Variants in SH3GL2 observed in about 807,000 individuals in gnomAD.
The protein encoded by SH3GL2 is SH3 domain containing GRB2 like 2, endophilin A1, also known as endophilin-A1.
Under a neutral mutation model 46.0 loss-of-function variants are expected in SH3GL2, and 24 were observed. The ratio of observed to expected loss-of-function variants is 0.52; its 90% confidence interval spans 0.38 to 0.73. The LOEUF (loss-of-function observed/expected upper bound fraction) is 0.73, where lower values mean the gene tolerates loss of function less well. Ranked by LOEUF, SH3GL2 falls within the 30% of genes least tolerant of loss-of-function variation. The pLI is 0.00. For missense variants in SH3GL2, 413 were observed against 424.2 expected (o/e 0.97, Z 0.23); for synonymous variants, 196 against 147.1 (o/e 1.33, Z -2.40).
At chr9:17,583,561 A>G (rs978306258) in intron 1 of SH3GL2, among the ~76,000 whole-genome samples, 2 of 152,232 alleles carry the variant, frequency 1.3e-5, no homozygotes, top group African/African-American at 2.4e-5. Context: ...AATAAATTCT[A>G]TTATTTATAA....
intron 1 of SH3GL2, among the ~76,000 whole-genome samples, chr9:17,713,624 G>C (rs980730330): frequency 6.6e-6 from 1 of 151,124 alleles, no homozygotes; most frequent in Non-Finnish European, 1.5e-5. Flanking sequence ...ATTTTCTTTT[G>C]ATTTCTTTAT....
intron 1 of SH3GL2, among the ~76,000 whole-genome samples, chr9:17,596,184 A>T (rs951435838): frequency 2.6e-5 from 4 of 152,144 alleles, no homozygotes; most frequent in African/African-American, 4.8e-5. Flanking sequence ...AACTATTGGA[A>T]CACCTGCCCT....
intron 1 of SH3GL2, among the ~76,000 whole-genome samples, chr9:17,690,450 T>C (rs532469612): frequency 6.6e-6 from 1 of 152,196 alleles, no homozygotes; most frequent in African/African-American, 2.4e-5. Flanking sequence ...CCACATCACA[T>C]GTCCTCTTTA....
intron 8 of SH3GL2, among the ~76,000 whole-genome samples, chr9:17,794,650 C>A (rs987517170): frequency 1.3e-5 from 2 of 152,122 alleles, no homozygotes; most frequent in African/African-American, 4.8e-5. Context: ...GAACTGTGTG[C>A]ACTTGTCTGA....
intron 1 of SH3GL2, among the ~76,000 whole-genome samples, chr9:17,692,551 A>G (rs1432059470): frequency 6.6e-6 from 1 of 152,054 alleles, no homozygotes; most frequent in Non-Finnish European, 1.5e-5. Context: ...AGGCTGAGGC[A>G]GGAGAATAGC....
At chr9:17,748,006 G>T (rs1003837287) in intron 2 of SH3GL2, among the ~76,000 whole-genome samples, 1 of 152,066 alleles carries the variant, frequency 6.6e-6, no homozygotes, top group African/African-American at 2.4e-5. Flanking sequence ...AAAATGAGAA[G>T]ACTAATACTC....
intron 1 of SH3GL2, among the ~76,000 whole-genome samples, chr9:17,710,280 G>A (rs1390115076): frequency 6.6e-6 from 1 of 151,948 alleles, no homozygotes; most frequent in Non-Finnish European, 1.5e-5. Context: ...ATGACTGTAA[G>A]TTTCCTGAGG....
chr9:17,685,514 A>C (rs1588238092), intron 1 of SH3GL2, among the ~76,000 whole-genome samples: 1 of 152,210 alleles, frequency 6.6e-6, no homozygotes, highest in Non-Finnish European at 1.5e-5. Context: ...AAAACTAACC[A>C]TCACAGGATC....
intron 5 of SH3GL2, 39 bp downstream of exon 5, chr9:17,787,552 A>G (rs1239087721): frequency 6.4e-7 from 1 of 1,566,020 alleles, no homozygotes; most frequent in African/African-American, 1.4e-5. Context: ...GGCAGTTGAA[A>G]TCATACAGAT....
chr9:17,763,129 C>G (rs977168877), intron 3 of SH3GL2, among the ~76,000 whole-genome samples: 3 of 152,146 alleles, frequency 2.0e-5, no homozygotes, highest in Non-Finnish European at 4.4e-5. Context: ...AACCATTTTT[C>G]TCCATATAAA....
chr9:17,631,959 G>T (rs950170692), intron 1 of SH3GL2, among the ~76,000 whole-genome samples: 1 of 152,142 alleles, frequency 6.6e-6, no homozygotes, highest in Admixed American at 6.5e-5. Context: ...CATGTTAAAA[G>T]TCTTAATTTT....
rs1818578539 is a variant in SH3GL2 at position 17,596,761 on chromosome 9, C to A, written c.45+17474C>A. ...TAAAATAATATATTCTTCTCAGCAA[C>A]CCAAACAAAATACATAAAAATGGAA... On this transcript the variant is annotated intron_variant, in intron 1 of 8. Transcript: ENST00000380607. Among the ~76,000 whole-genome samples, 3 of 152,264 alleles carry A rather than the reference C, an allele frequency of 2.0e-5. No homozygotes were observed. In the South Asian group the frequency reaches 6.2e-4, roughly 32 times the overall value.
intron 1 of SH3GL2, among the ~76,000 whole-genome samples, chr9:17,682,486 G>A (rs754228056): frequency 5.9e-5 from 9 of 151,862 alleles, no homozygotes; most frequent in African/African-American, 1.9e-4. Context: ...ACGTGTTCTG[G>A]TAAGTGCGAG....
At chr9:17,731,405 G>T (rs555028018) in intron 1 of SH3GL2, among the ~76,000 whole-genome samples, 1 of 151,486 alleles carries the variant, frequency 6.6e-6, no homozygotes, top group African/African-American at 2.4e-5. Context: ...AGGGAGGGAG[G>T]TGGGGGGAGG....
chr9:17,778,735 G>A (rs1185518070), intron 3 of SH3GL2, among the ~76,000 whole-genome samples: 1 of 152,112 alleles, frequency 6.6e-6, no homozygotes, highest in Non-Finnish European at 1.5e-5. Flanking sequence ...TTAGACCAGA[G>A]TGAGAAACAG....
At chr9:17,789,200 A>T (rs1405766852) in intron 5 of SH3GL2, among the ~76,000 whole-genome samples, 192 bp from the exon 6 acceptor site, 4 of 152,146 alleles carry the variant, frequency 2.6e-5, no homozygotes, top group Non-Finnish European at 5.9e-5. Context: ...ATTTTTAAAG[A>T]TATTCCCCCA....
intron 1 of SH3GL2, among the ~76,000 whole-genome samples, chr9:17,628,815 C>T (rs1361780850): frequency 1.3e-5 from 2 of 152,032 alleles, no homozygotes; most frequent in African/African-American, 4.8e-5. Flanking sequence ...TGAAGCAAGA[C>T]TTTGCATAGG....
At chr9:17,739,334 A>T (rs1032067712) in intron 1 of SH3GL2, among the ~76,000 whole-genome samples, 2 of 151,630 alleles carry the variant, frequency 1.3e-5, no homozygotes, top group Non-Finnish European at 2.9e-5. Flanking sequence ...TTTTTTTCTC[A>T]AGGGGATTTA....
intron 1 of SH3GL2, among the ~76,000 whole-genome samples, chr9:17,720,021 G>C (rs920876754): frequency 1.3e-5 from 2 of 151,814 alleles, no homozygotes; most frequent in Non-Finnish European, 2.9e-5. Flanking sequence ...TGTTTATAAA[G>C]TTGTAGTTGA....
Sources: allele counts gnomAD v4.1 joint callset (sites outside exome capture counted in the v4.1 genomes callset), GRCh38; gene constraint gnomAD v4.1.1; transcripts MANE v1.5; gene names NCBI Gene and HGNC (gene_info 2026-07-23, HGNC 2026-07-21).